Variants in CRPPA observed in about 807,000 individuals in gnomAD.
CRPPA encodes the protein D-ribitol-5-phosphate cytidylyltransferase.
In CRPPA, 43 loss-of-function variants were observed where a neutral mutation model predicts 52.0. That is an observed-to-expected ratio of 0.83 (90% CI 0.65 to 1.07). CRPPA has a LOEUF of 1.07. Among genes scored for constraint, CRPPA ranks in the 50% least tolerant of loss-of-function variants. CRPPA has a pLI of 0.00. For synonymous variants in CRPPA, 250 were observed against 203.5 expected, an observed-to-expected ratio of 1.23 and a Z score of -1.94; for missense variants, 629 against 551.7, an observed-to-expected ratio of 1.14 and a Z score of -1.40.
At chr7:16,358,913 G>A (rs145587317) in intron 3 of CRPPA, among the ~76,000 whole-genome samples, 58 of 152,238 alleles carry the variant, frequency 3.8e-4, no homozygotes, top group African/African-American at 1.2e-3. Flanking sequence ...CACAAAGAAT[G>A]TCAGTAAAAT....
At chr7:16,335,189 TA>T (rs1216340233) in intron 3 of CRPPA, among the ~76,000 whole-genome samples, 24 of 103,200 alleles carry the variant, frequency 2.3e-4, no homozygotes, top group East Asian at 3.1e-4. Context: ...GGAAAAAGAA[TA>T]AAAAAAAAAG....
At chr7:16,204,903 T>C (rs1203610226) in intron 9 of CRPPA, among the ~76,000 whole-genome samples, 1 of 152,222 alleles carries the variant, frequency 6.6e-6, no homozygotes, top group African/African-American at 2.4e-5. Flanking sequence ...GGATTCTTAC[T>C]GATTATTTTT....
intron 8 of CRPPA, among the ~76,000 whole-genome samples, chr7:16,249,721 G>A (rs894742728): frequency 2.6e-5 from 4 of 152,168 alleles, no homozygotes; most frequent in South Asian, 2.1e-4. Context: ...AACCCCATCC[G>A]GAGGTCACCA....
Position 16,254,847 on chromosome 7 carries a change from G to GAA in CRPPA, c.1119+3541_1119+3542dup, listed in dbSNP as rs1562588899. On this transcript the variant is annotated intron_variant, in intron 8 of 9. Coordinates refer to ENST00000407010, the MANE Select transcript of CRPPA (RefSeq NM_001101426.4). ...AAAGAAAGAAAGAAAGAAAGAAAGA[G>GAA]AAAGAAGAAAGAAAGAAAGAAAGAG... Among the ~76,000 whole-genome samples, 201 of 131,902 alleles carry GAA rather than the reference G, an allele frequency of 1.5e-3. 1 individual carries two copies. The highest frequency in any genetic ancestry group is 5.7e-3 in the African/African-American group (199 of 34,908). The allele number at this position is 131,902 out of a possible 152,430, so 86.5% of individuals were successfully genotyped here.
intron 9 of CRPPA, among the ~76,000 whole-genome samples, chr7:16,147,864 T>C (rs376066259): frequency 6.6e-6 from 1 of 152,190 alleles, no homozygotes; most frequent in African/African-American, 2.4e-5. Flanking sequence ...GTACCAACTA[T>C]GTGTCAGGAT....
chr7:16,175,379 AT>A (rs1781273220), intron 9 of CRPPA, among the ~76,000 whole-genome samples: 1 of 152,162 alleles, frequency 6.6e-6, no homozygotes, highest in Admixed American at 6.6e-5. Flanking sequence ...TTTTAACTAC[AT>A]TTTTATATAC....
chr7:16,099,641 A>G (rs1782004291), intron 9 of CRPPA, among the ~76,000 whole-genome samples: 1 of 152,186 alleles, frequency 6.6e-6, no homozygotes, highest in Admixed American at 6.5e-5. Context: ...GCTCAGAGCC[A>G]GATTGCAGTG....
chr7:16,187,508 G>T (rs745721282), intron 9 of CRPPA, among the ~76,000 whole-genome samples: 1 of 152,162 alleles, frequency 6.6e-6, no homozygotes, highest in Non-Finnish European at 1.5e-5. Flanking sequence ...ACTTTTGCTT[G>T]TCAATAAAAT....
intron 9 of CRPPA, among the ~76,000 whole-genome samples, chr7:16,199,728 C>G (rs972568064): frequency 2.0e-5 from 3 of 151,950 alleles, no homozygotes; most frequent in African/African-American, 7.2e-5. Context: ...CTAGAGAATT[C>G]ACTACAGCAA....
chr7:16,329,367 T>G (rs10254098), intron 3 of CRPPA, among the ~76,000 whole-genome samples: 2,599 of 140,620 alleles, frequency 0.018, 64 homozygotes, highest in African/African-American at 0.062. Context: ...TCAAAATAGA[T>G]TCTTATTAAA....
At chr7:16,149,518 G>A (rs1176435046) in intron 9 of CRPPA, among the ~76,000 whole-genome samples, 3 of 152,160 alleles carry the variant, frequency 2.0e-5, no homozygotes, top group African/African-American at 7.2e-5. Flanking sequence ...TTGGAAACAT[G>A]AGGAAATGAA....
chr7:16,398,406 C>G (rs1227445448), intron 2 of CRPPA, among the ~76,000 whole-genome samples: 1 of 152,124 alleles, frequency 6.6e-6, no homozygotes, highest in Non-Finnish European at 1.5e-5. Context: ...ACGTGACCAA[C>G]ATAAGTGATT....
At chr7:16,343,924 A>C (rs1271863737) in intron 3 of CRPPA, among the ~76,000 whole-genome samples, 1 of 152,216 alleles carries the variant, frequency 6.6e-6, no homozygotes, top group Non-Finnish European at 1.5e-5. Context: ...GCCCTTAGGC[A>C]AAATATGGGA....
rs73291859 is a variant in CRPPA, at chr7:16,126,145, C to A, written c.1252-34346G>T. Among the ~76,000 whole-genome samples, 450 of 152,116 alleles carry A rather than the reference C, an allele frequency of 3.0e-3. 2 individuals are homozygous for A. The highest frequency in any genetic ancestry group is 0.011 in the African/African-American group (438 of 41,496). On this transcript the variant is annotated intron_variant, in intron 9 of 9. Transcript: ENST00000407010. ...CAGGAATCAAGAAGCAGAAAAATATCCTGTGCCAGTCTTCGAAGTAAGTAC... is the reference window on the plus strand; with the variant it reads ...CAGGAATCAAGAAGCAGAAAAATATACTGTGCCAGTCTTCGAAGTAAGTAC...
At position 16,174,684 on chromosome 7, in the gene CRPPA, A is replaced by C. The variant is rs201045601; in HGVS notation, c.1251+41382T>G. Among the ~76,000 whole-genome samples the C allele has an allele frequency of 1.1e-4, 17 of 152,250 alleles. No individual in the cohort carries two copies. The East Asian group carries it at 3.3e-3, about 29-fold the overall frequency. ...GAAAGTACCTAATCAACTACAAAATACTTAGCTGTCATAATTTCCATTTTT... is the reference window on the plus strand; with the variant it reads ...GAAAGTACCTAATCAACTACAAAATCCTTAGCTGTCATAATTTCCATTTTT... On this transcript the variant is annotated intron_variant, in intron 9 of 9. Transcript: ENST00000407010.
intron 9 of CRPPA, among the ~76,000 whole-genome samples, chr7:16,166,667 C>T (rs992623223): frequency 1.3e-5 from 2 of 152,112 alleles, no homozygotes. Context: ...TTGTCCTACT[C>T]GAGAGTCTCC....
At chr7:16,283,490 G>T (rs940351602) in intron 5 of CRPPA, among the ~76,000 whole-genome samples, 1 of 147,222 alleles carries the variant, frequency 6.8e-6, no homozygotes, top group Non-Finnish European at 1.5e-5. Context: ...TAGATACGTA[G>T]ATCTATATAT....
At chr7:16,339,253 TAACTAC>T (rs1456690815) in intron 3 of CRPPA, among the ~76,000 whole-genome samples, 1 of 151,594 alleles carries the variant, frequency 6.6e-6, no homozygotes, top group Admixed American at 6.6e-5. Flanking sequence ...GAAAAAAAAA[TAACTAC>T]AGACCAATAG....
At chr7:16,385,780 C>T (rs1041691557) in intron 2 of CRPPA, among the ~76,000 whole-genome samples, 3 of 151,922 alleles carry the variant, frequency 2.0e-5, no homozygotes, top group South Asian at 2.1e-4. Context: ...GTTCCCTGAC[C>T]CCCCCTCACA....
Sources: allele counts gnomAD v4.1 joint callset (sites outside exome capture counted in the v4.1 genomes callset), GRCh38; gene constraint gnomAD v4.1.1; transcripts MANE v1.5; gene names NCBI Gene and HGNC (gene_info 2026-07-23, HGNC 2026-07-21).